The following PTPRA variants were observed in gnomAD, a reference collection of about 807,000 sequenced individuals.
PTPRA encodes the protein receptor-type tyrosine-protein phosphatase alpha.
Under a neutral mutation model 104.8 loss-of-function variants are expected in PTPRA, and 25 were observed. The ratio of observed to expected loss-of-function variants is 0.24; its 90% CI spans 0.17 to 0.33. The LOEUF is 0.33. Ranked by LOEUF, PTPRA falls within the 10% of genes least tolerant of loss-of-function variation. The probability of loss-of-function intolerance (pLI) is 1.00; values close to 1 mark genes in which losing one functional copy is unlikely to be tolerated. For missense variants in PTPRA, 765 were observed against 1,015.3 expected (o/e 0.75, Z 3.35); for synonymous variants, 323 against 368.9 (o/e 0.88, Z 1.43).
chr20:2,956,705 A>G (rs966780065), intron 3 of PTPRA, among the ~76,000 whole-genome samples: 1 of 151,990 alleles, frequency 6.6e-6, no homozygotes, highest in Non-Finnish European at 1.5e-5. Context: ...AATCAGCCAT[A>G]ATTTATTTAA....
chr20:2,891,907 C>G (rs2058806947), intron 1 of PTPRA, among the ~76,000 whole-genome samples: 1 of 152,066 alleles, frequency 6.6e-6, no homozygotes, highest in Non-Finnish European at 1.5e-5. Context: ...ATGTAAATAG[C>G]TGTTATACTG....
chr20:2,908,827 A>T (rs1338008746), intron 1 of PTPRA, among the ~76,000 whole-genome samples: 3 of 152,254 alleles, frequency 2.0e-5, no homozygotes, highest in Non-Finnish European at 4.4e-5. Context: ...ATAACTAATG[A>T]TAGTTATGTA....
chr20:2,898,720 T>C (rs925852085), intron 1 of PTPRA, among the ~76,000 whole-genome samples: 1 of 151,762 alleles, frequency 6.6e-6, no homozygotes, highest in African/African-American at 2.4e-5. Context: ...TAGCCGGGCA[T>C]AGTGGCACAC....
chr20:2,935,152 C>G (rs1310676925), intron 2 of PTPRA, among the ~76,000 whole-genome samples: 1 of 152,104 alleles, frequency 6.6e-6, no homozygotes, highest in Non-Finnish European at 1.5e-5. Context: ...CCCCAATTCC[C>G]CTACCCACCA....
At position 2,873,535 on chromosome 20, in the gene PTPRA, C is replaced by CGA. The variant is rs915382741; in HGVS notation, c.-353_-352dup. On this transcript the variant is annotated 5_prime_UTR_variant, in exon 1 of 24. Transcript: ENST00000399903. This position sits in a 1 kb window ranked among gnomAD's most constrained non-coding sequence, Gnocchi z 4.4. Reference sequence around the variant, plus strand: ...GCGCTGACAGAGACGCGCGCGCGCGCGATCGCGCTCGGACCCCGGCCGCTG... The same window carrying CGA: ...GCGCTGACAGAGACGCGCGCGCGCGCGAGATCGCGCTCGGACCCCGGCCGCTG... The CGA allele has an allele frequency of 4.6e-5, 7 of 151,746 alleles. No homozygotes were observed. The highest frequency in any genetic ancestry group is 1.7e-4 in the African/African-American group (7 of 41,512). 9.4% of individuals were successfully genotyped at this position (151,746 alleles called of 1,614,324 possible). A position where few individuals can be genotyped will look rare whatever the true frequency, so the allele number is the denominator to read the frequency against.
intron 13 of PTPRA, among the ~76,000 whole-genome samples, chr20:3,018,216 G>A (rs563677219): frequency 3.1e-4 from 46 of 150,330 alleles, no homozygotes; most frequent in African/African-American, 1.1e-3. Flanking sequence ...TTTTGTTGTT[G>A]TTTTGTTTTG....
chr20:2,953,364 C>T (rs1343745844), intron 3 of PTPRA, among the ~76,000 whole-genome samples: 1 of 152,014 alleles, frequency 6.6e-6, no homozygotes, highest in Non-Finnish European at 1.5e-5. Flanking sequence ...AAGCGATTCT[C>T]CTGCCTCAGC....
chr20:2,864,962 C>T, the PTPRA span: 5 of 1,614,124 alleles, frequency 3.1e-6, no homozygotes, highest in South Asian at 4.4e-5. This position sits in a 1 kb window ranked among gnomAD's most constrained non-coding sequence, Gnocchi z 5.2. Context: ...TCAGGCCTTC[C>T]TTCTTGTCTT....
chr20:2,891,137 A>C (rs1343910952), intron 1 of PTPRA, among the ~76,000 whole-genome samples: 1 of 152,162 alleles, frequency 6.6e-6, no homozygotes, highest in Non-Finnish European at 1.5e-5. Context: ...ACTGTTTTAC[A>C]TCTGTAACAT....
chr20:3,019,012 A>G (rs182814154), intron 13 of PTPRA, among the ~76,000 whole-genome samples: 107,023 of 113,448 alleles, frequency 0.94, 50,566 homozygotes, highest in East Asian at 0.98. Flanking sequence ...CGGACAGGGC[A>G]GCTGGCCGGG....
intron 1 of PTPRA, among the ~76,000 whole-genome samples, chr20:2,889,565 C>T (rs73573928): frequency 0.023 from 3,443 of 152,300 alleles, 128 homozygotes; most frequent in African/African-American, 0.077. Flanking sequence ...CTAAACTTAA[C>T]GCAAAAGTAC....
At chr20:2,883,208 T>G (rs1055535723) in intron 1 of PTPRA, among the ~76,000 whole-genome samples, 12 of 152,096 alleles carry the variant, frequency 7.9e-5, no homozygotes, top group Non-Finnish European at 1.6e-4. Context: ...TACCTAAATC[T>G]GAAACACTTC....
intron 12 of PTPRA, 115 bp from the exon 13 acceptor site, chr20:3,017,701 T>G (rs891092069): frequency 1.9e-5 from 15 of 793,014 alleles, no homozygotes; most frequent in Admixed American, 8.6e-5. Flanking sequence ...GGTTAGATAT[T>G]TAGCTGGGGA....
chr20:2,865,534 G>T, the PTPRA span: 1 of 1,586,048 alleles, frequency 6.3e-7, no homozygotes, highest in Non-Finnish European at 8.6e-7. The surrounding 1 kb of genome is among the most constrained non-coding windows in gnomAD (Gnocchi z 5.2). Flanking sequence ...TTCCAGTGAG[G>T]GTAGTCTTCG....
intron 1 of PTPRA, among the ~76,000 whole-genome samples, chr20:2,888,751 C>T (rs990210764): frequency 6.6e-6 from 1 of 152,112 alleles, no homozygotes; most frequent in Non-Finnish European, 1.5e-5. Flanking sequence ...TCCACAAGTA[C>T]TATGAGCAAT....
At chr20:2,960,492 G>T (rs912250792) in intron 3 of PTPRA, among the ~76,000 whole-genome samples, 1 of 151,724 alleles carries the variant, frequency 6.6e-6, no homozygotes, top group Non-Finnish European at 1.5e-5. Context: ...CTCGTGATCC[G>T]CCCACCTCGG....
intron 2 of PTPRA, among the ~76,000 whole-genome samples, chr20:2,933,046 G>A (rs1367884917): frequency 1.3e-5 from 2 of 152,178 alleles, no homozygotes; most frequent in East Asian, 3.8e-4. Flanking sequence ...TTAGCAAATG[G>A]CACATGGCAT....
At chr20:2,958,908 A>G (rs928725516) in intron 3 of PTPRA, among the ~76,000 whole-genome samples, 3 of 151,854 alleles carry the variant, frequency 2.0e-5, no homozygotes, top group Non-Finnish European at 4.4e-5. Context: ...AATGCTTTGC[A>G]TATGGCATTC....
intron 3 of PTPRA, among the ~76,000 whole-genome samples, chr20:2,955,895 A>AC (rs1364194890): frequency 3.3e-5 from 5 of 149,272 alleles, no homozygotes; most frequent in Non-Finnish European, 5.9e-5. Context: ...TTTTCCCCCT[A>AC]CCCCCCACAG....
Sources: gnomAD v4.1 joint callset for allele counts (sites outside exome capture counted in the v4.1 genomes callset) on GRCh38, gnomAD v4.1.1 for gene constraint, Gnocchi (gnomAD v3.1) non-coding constraint, MANE v1.5 for transcripts, NCBI Gene and HGNC (gene_info 2026-07-23, HGNC 2026-07-21) for gene names.